The following TPCN2 variants were observed in gnomAD, a reference collection of about 807,000 sequenced individuals.
TPCN2 encodes the protein two pore channel protein 2.
TPCN2 carries 92 observed loss-of-function variants against 111.4 expected under a neutral mutation model. The ratio of observed to expected loss-of-function variants is 0.83; its 90% confidence interval spans 0.70 to 0.98. The LOEUF (loss-of-function observed/expected upper bound fraction) is 0.98, where lower values mean the gene tolerates loss of function less well. TPCN2 is among the 50% of genes least tolerant of loss of function. The pLI, the probability that TPCN2 is intolerant of heterozygous loss-of-function variation, is 0.00. For synonymous variants in TPCN2, 405 were observed against 414.5 expected (o/e 0.98, Z 0.28); for missense variants, 995 against 980.1 (o/e 1.02, Z -0.20).
intron 4 of TPCN2, among the ~76,000 whole-genome samples, chr11:69,056,455 T>G (rs1024480327): frequency 6.6e-6 from 1 of 152,184 alleles, no homozygotes; most frequent in Non-Finnish European, 1.5e-5. Flanking sequence ...TTTTGAATGG[T>G]TGGTGTGTTT....
intron 5 of TPCN2, among the ~76,000 whole-genome samples, chr11:69,062,637 G>A (rs1468665818): frequency 6.6e-6 from 1 of 152,094 alleles, no homozygotes; most frequent in East Asian, 1.9e-4. Context: ...GGGAACCTGT[G>A]TGTGCAGCGC....
Position 69,087,871 on chromosome 11 carries a change from A to T in TPCN2, c.2181-4A>T. On this transcript the variant is annotated splice_polypyrimidine_tract_variant and splice_region_variant and intron_variant, in intron 24 of 24. Transcript: ENST00000294309. Reference sequence around the variant, plus strand: ...CCTGTGTGCATCTTTCCTCAATTCCACAGGGATATTCTGGAGGAGCCCGGG... The same window carrying T: ...CCTGTGTGCATCTTTCCTCAATTCCTCAGGGATATTCTGGAGGAGCCCGGG... 6.2e-7 allele frequency: 1 copy of T among 1,611,962 alleles called. No homozygotes were observed. The highest frequency in any genetic ancestry group is 8.5e-7 in the Non-Finnish European group (1 of 1,179,484).
intron 13 of TPCN2, among the ~76,000 whole-genome samples, chr11:69,075,232 C>T (rs1855703470): frequency 6.6e-6 from 1 of 152,168 alleles, no homozygotes; most frequent in Non-Finnish European, 1.5e-5. Context: ...TCCTTCTTTC[C>T]TCAATAATGC....
chr11:69,073,556 C>T (rs960042151), intron 13 of TPCN2, among the ~76,000 whole-genome samples: 4 of 152,346 alleles, frequency 2.6e-5, no homozygotes, highest in African/African-American at 7.2e-5. Flanking sequence ...GGGTGGCAGA[C>T]GCCTGCCAGT....
intron 5 of TPCN2, among the ~76,000 whole-genome samples, chr11:69,059,673 G>A (rs961419992): frequency 2.6e-5 from 4 of 152,250 alleles, no homozygotes; most frequent in Non-Finnish European, 4.4e-5. Context: ...GCATTTGCAG[G>A]GCTGTGAGTG....
chr11:69,078,197 G>T (rs376228424), intron 13 of TPCN2, among the ~76,000 whole-genome samples: 2 of 151,160 alleles, frequency 1.3e-5, no homozygotes, highest in African/African-American at 4.9e-5. Context: ...GACACTTTGC[G>T]TATGTTTCAG....
Position 69,057,597 on chromosome 11 carries a change from C to A in TPCN2, c.449C>A (p.Ala150Asp). 2 of 1,614,212 alleles carry A rather than the reference C, an allele frequency of 1.2e-6. No homozygotes were observed. Among genetic ancestry groups the A allele is most frequent in the Non-Finnish European group, 8.5e-7 (1 of 1,180,010 alleles). ...TTGCAGGGTTACCTGTTCGGGTGGG[C>A]CCATTTCCAGAAAAACCTTTGGCTG... ...LSVKGYLFGW[A>D]HFQKNLWLLG... Residue 150 changes from alanine to aspartate, a missense_variant, in exon 5 of 25, where the codon GCC (alanine) becomes GAC (aspartate). Physicochemically the swap from Ala to Asp is moderately radical, Grantham distance 126. Transcript: ENST00000294309.
intron 1 of TPCN2, among the ~76,000 whole-genome samples, chr11:69,053,348 G>A (rs1356315479): frequency 6.6e-6 from 1 of 152,214 alleles, no homozygotes; most frequent in Admixed American, 6.5e-5. Context: ...GCTTGCCTGG[G>A]CCCATGGACC....
Position 69,071,361 on chromosome 11 carries a change from C to A in TPCN2, c.901C>A (p.Leu301Met). Reference sequence around the variant, plus strand: ...GTGGCTGTCTCCTCTTGAAGGAAGCCTGTTTCTGATGAACCTGCTGACAGC... The same window carrying A: ...GTGGCTGTCTCCTCTTGAAGGAAGCATGTTTCTGATGAACCTGCTGACAGC... Reference protein sequence around the residue: ...FFIVFTVIGSLFLMNLLTAII... With the variant: ...FFIVFTVIGSMFLMNLLTAII... Residue 301 changes from leucine to methionine, a missense_variant, in exon 10 of 25, where the codon CTG becomes ATG. Leu to Met is a conservative substitution (Grantham distance 15). Coordinates refer to ENST00000294309, the MANE Select transcript of TPCN2 (RefSeq NM_139075.4). The A allele has an allele frequency of 7.4e-6, 12 of 1,613,866 alleles. No homozygotes were observed. The highest frequency in any genetic ancestry group is 1.0e-5 in the Non-Finnish European group (12 of 1,179,888).
chr11:69,071,375 C>G lies in TPCN2; in HGVS notation c.915C>G (p.Asn305Lys), dbSNP rs768172623. Reference protein sequence around the residue: ...FTVIGSLFLMNLLTAIIYSQF... With the variant: ...FTVIGSLFLMKLLTAIIYSQF... ...TTGAAGGAAGCCTGTTTCTGATGAA[C>G]CTGCTGACAGCCATCATCTACAGTC... Residue 305 changes from asparagine (N) to lysine (K), a missense_variant, in exon 10 of 25, where the codon AAC (asparagine) becomes AAG (lysine). By Grantham distance (94) the Asn-to-Lys change is moderately conservative. Coordinates refer to ENST00000294309, the MANE Select transcript of TPCN2 (RefSeq NM_139075.4). 13 of 1,613,910 alleles carry G rather than the reference C, an allele frequency of 8.1e-6. No homozygotes were observed. The highest frequency in any genetic ancestry group is 1.0e-5 in the Non-Finnish European group (12 of 1,179,924).
rs888260286 is a variant in TPCN2, at chr11:69,071,997, G to T, written c.1035G>T (p.Val345=). The change falls in exon 11 of 25, where the codon GTG becomes GTT. Residue 345 remains valine (V), a synonymous_variant. Transcript: ENST00000294309. ...CCTTTGAAGTCCTATCCTCCATGGT[G>T]GGGGAGGGAGGAGCCTTCCCTCAGG... ...RAAFEVLSSM[V]GEGGAFPQAV... is the part of the protein sequence containing the mutation. 9 of 1,613,802 alleles carry T rather than the reference G, an allele frequency of 5.6e-6. No homozygotes were observed. The highest frequency in any genetic ancestry group is 1.7e-5 in the Admixed American group (1 of 59,990).
At chr11:69,055,761 CAG>C (rs1423770772) in intron 4 of TPCN2, among the ~76,000 whole-genome samples, 5 of 152,314 alleles carry the variant, frequency 3.3e-5, no homozygotes, top group Non-Finnish European at 4.4e-5. Context: ...AGTGGGCCGT[CAG>C]GGGTTGCGCA....
chr11:69,088,253 G>A lies in TPCN2; in HGVS notation c.*300G>A, dbSNP rs918323915. On this transcript the variant is annotated 3_prime_UTR_variant, in exon 25 of 25. Coordinates refer to ENST00000294309, the MANE Select transcript of TPCN2 (RefSeq NM_139075.4). ...TTCAGACAAAAATGCAAGAAGCAGC[G>A]GCCTCCCCTGTCCCCTGCAGCTTCC... 1.1e-4 allele frequency: 43 copies of A among 385,600 alleles called. No homozygotes were observed. Among genetic ancestry groups the A allele is most frequent in the Admixed American group, 1.0e-3 (24 of 23,618 alleles). The allele number at this position is 385,600 out of a possible 1,614,324, so 23.9% of individuals were successfully genotyped here.
Position 69,086,457 on chromosome 11 carries a change from G to A in TPCN2, c.2004-66G>A, listed in dbSNP as rs931673193. The A allele has an allele frequency of 1.7e-5, 23 of 1,335,768 alleles. No homozygotes were observed. In the African/African-American group the frequency reaches 3.2e-4, roughly 18 times the overall value. 82.7% of individuals were successfully genotyped at this position (1,335,768 alleles called of 1,614,324 possible). A position where few individuals can be genotyped will look rare whatever the true frequency, so the allele number is the denominator to read the frequency against. ...GAGCTGTCCTGGCCACGCAGCAGTG[G>A]TGTTTGTATCGAGTGCTCTTGCTTT... On this transcript the variant is annotated intron_variant, in intron 22 of 24. Transcript: ENST00000294309.
rs574370781 is a variant in TPCN2, at chr11:69,059,888, T to C, written c.546+2194T>C. 2.6e-5 allele frequency among the ~76,000 whole-genome samples: 4 copies of C among 152,356 alleles called. No individual in the cohort carries two copies. The East Asian group carries it at 5.8e-4, about 22-fold the overall frequency. The stretch of plus-strand genomic sequence containing the variant: ...TGCCTCTGGCTGAGTGGTTGTGCTA[T>C]TGGCACCAGGCATAGCCTCCGTGTC... On this transcript the variant is annotated intron_variant, in intron 5 of 24. Transcript: ENST00000294309.
intron 11 of TPCN2, among the ~76,000 whole-genome samples, 163 bp from the exon 12 acceptor site, chr11:69,072,464 G>A (rs1855580167): frequency 1.3e-5 from 2 of 152,020 alleles, no homozygotes. Context: ...TCGGGGGGAC[G>A]GCAGTGGCAG....
At chr11:69,075,812 A>G (rs959717513) in intron 13 of TPCN2, among the ~76,000 whole-genome samples, 15 of 152,188 alleles carry the variant, frequency 9.9e-5, no homozygotes, top group Non-Finnish European at 1.9e-4. Context: ...TCCTCTTCAT[A>G]TGAGAAGCTT....
In TPCN2 at chr11:69,088,015, G is replaced by A. The variant is rs1551306; in HGVS notation, c.*62G>A. On this transcript the variant is annotated 3_prime_UTR_variant, in exon 25 of 25. Coordinates refer to ENST00000294309, the MANE Select transcript of TPCN2 (RefSeq NM_139075.4). ...GAGAGGCTGGCCTACACAGGTGCCCGTCATGGAAGAGGCGGCCATGCTGTG... is the reference window on the plus strand; with the variant it reads ...GAGAGGCTGGCCTACACAGGTGCCCATCATGGAAGAGGCGGCCATGCTGTG... 0.47 allele frequency: 682,372 copies of A among 1,446,860 alleles called. 166,278 individuals are homozygous for A. Among genetic ancestry groups the A allele is most frequent in the South Asian group, 0.66 (53,420 of 80,564 alleles). The allele number at this position is 1,446,860 out of a possible 1,614,324, so 89.6% of individuals were successfully genotyped here. A position where few individuals can be genotyped will look rare whatever the true frequency, so the allele number is the denominator to read the frequency against.
At chr11:69,060,886 G>C (rs958414554) in intron 5 of TPCN2, among the ~76,000 whole-genome samples, 2 of 152,238 alleles carry the variant, frequency 1.3e-5, no homozygotes, top group African/African-American at 4.8e-5. Context: ...TGGGCGCACA[G>C]GGCAGGGGCC....
Sources: allele counts gnomAD v4.1 joint callset (sites outside exome capture counted in the v4.1 genomes callset), GRCh38; gene constraint gnomAD v4.1.1; transcripts MANE v1.5; gene names NCBI Gene and HGNC (gene_info 2026-07-23, HGNC 2026-07-21).